FOXP2: variants seen among roughly 807,000 people sequenced by gnomAD.
The protein encoded by FOXP2 is forkhead box protein P2.
FOXP2 carries 12 observed loss-of-function variants against 115.8 expected under a neutral mutation model. The observed-to-expected ratio is 0.10, with a 90% CI of 0.07 to 0.17. The LOEUF (loss-of-function observed/expected upper bound fraction) is 0.17, where lower values mean the gene tolerates loss of function less well. FOXP2 is among the 10% of genes least tolerant of loss of function. The pLI is 1.00. For missense variants in FOXP2, 629 were observed against 843.5 expected, an observed-to-expected ratio of 0.75 and a Z score of 3.15; for synonymous variants, 328 against 297.7, an observed-to-expected ratio of 1.10 and a Z score of -1.05.
chr7:114,431,749 G>A (rs945086721), intron 2 of FOXP2, among the ~76,000 whole-genome samples: 1 of 151,806 alleles, frequency 6.6e-6, no homozygotes, highest in Non-Finnish European at 1.5e-5. Flanking sequence ...TTTTATTTTT[G>A]AGAATGGATT....
rs143600552 is a variant in FOXP2 at position 114,547,975 on chromosome 7, T to C, written c.258+13269T>C. ...ACTCTGTTTAGGATTATAGATTTTA[T>C]CTTTGTCACGAAACATGAACTCCAC... is the stretch of plus-strand genomic sequence containing the variant. On this transcript the variant is annotated intron_variant, in intron 3 of 16. Coordinates refer to ENST00000350908, the MANE Select transcript of FOXP2 (RefSeq NM_014491.4). Among the ~76,000 whole-genome samples the C allele has an allele frequency of 5.3e-3, 807 of 152,300 alleles. 11 individuals are homozygous for C. Among genetic ancestry groups the C allele is most frequent in the African/African-American group, 0.018 (753 of 41,562 alleles).
chr7:114,267,767 A>G (rs1262020236), intron 1 of FOXP2, among the ~76,000 whole-genome samples: 1 of 146,448 alleles, frequency 6.8e-6, no homozygotes, highest in Non-Finnish European at 1.5e-5. Flanking sequence ...AAATAAATAA[A>G]TAAATAAATA....
intron 2 of FOXP2, among the ~76,000 whole-genome samples, chr7:114,464,335 G>A (rs1795714247): frequency 1.3e-5 from 2 of 152,114 alleles, no homozygotes; most frequent in African/African-American, 2.4e-5. Flanking sequence ...GATGACTTAT[G>A]ACCTTTAAAA....
chr7:114,496,178 A>G (rs976466863), intron 2 of FOXP2, among the ~76,000 whole-genome samples: 2 of 152,156 alleles, frequency 1.3e-5, no homozygotes, highest in South Asian at 4.1e-4. Flanking sequence ...ATTAATAGCT[A>G]CTGTTTTGAA....
intron 11 of FOXP2, among the ~76,000 whole-genome samples, chr7:114,659,066 A>G (rs1806738585): frequency 6.6e-6 from 1 of 152,300 alleles, no homozygotes; most frequent in Non-Finnish European, 1.5e-5. Context: ...ATGTAAGAAT[A>G]TGCCTAAACT....
chr7:114,659,396 C>G lies in FOXP2; in HGVS notation c.1509C>G (p.Val503=). Residue 503 remains valine (V), a synonymous_variant, in exon 12 of 17, where the codon GTC becomes GTG. Transcript: ENST00000350908. ...ATGAATTTTATAAAAATGCAGATGT[C>G]AGACCTCCATTTACTTATGCAACTC... is the stretch of plus-strand genomic sequence containing the variant. The part of the protein sequence containing the change: ...PNYEFYKNAD[V]RPPFTYATLI... 6.2e-7 allele frequency: 1 copy of G among 1,613,260 alleles called. No individual in the cohort carries two copies. Among genetic ancestry groups the G allele is most frequent in the East Asian group, 2.2e-5 (1 of 44,850 alleles).
At chr7:114,521,443 A>G (rs1401262019) in intron 2 of FOXP2, among the ~76,000 whole-genome samples, 1 of 149,576 alleles carries the variant, frequency 6.7e-6, no homozygotes, top group Non-Finnish European at 1.5e-5. Flanking sequence ...TGAAGCAGGA[A>G]GCTTGCATGA....
chr7:114,418,386 T>G (rs1030025614), intron 1 of FOXP2, among the ~76,000 whole-genome samples: 1 of 151,960 alleles, frequency 6.6e-6, no homozygotes, highest in Non-Finnish European at 1.5e-5. Flanking sequence ...CATGATGAGC[T>G]ATGTCTCTGT....
intron 4 of FOXP2, 88 bp downstream of exon 4, chr7:114,628,765 C>T (rs889243917): frequency 6.5e-7 from 1 of 1,530,936 alleles, no homozygotes; most frequent in Admixed American, 1.7e-5. Context: ...TTTGACAATT[C>T]AGTCTCCATT....
At chr7:114,367,024 T>C (rs1196758492) in intron 2 of FOXP2, among the ~76,000 whole-genome samples, 1 of 152,158 alleles carries the variant, frequency 6.6e-6, no homozygotes, top group Non-Finnish European at 1.5e-5. Context: ...TCCTTCAATA[T>C]GTAGAGCATG....
rs1194801038 is a variant in FOXP2 at position 114,442,793 on chromosome 7, T to C, written c.168+16114T>C. Among the ~76,000 whole-genome samples, 3 of 152,146 alleles carry C rather than the reference T, an allele frequency of 2.0e-5. No individual in the cohort carries two copies. In the East Asian group the frequency reaches 5.8e-4, roughly 29 times the overall value. ...GGTGAATTTTATGGTATGTAAGTTG[T>C]ACCTCAATACAGCTGTTTATATAAA... On this transcript the variant is annotated intron_variant, in intron 2 of 16. Transcript: ENST00000350908.
chr7:114,113,016 G>A (rs1791311676), intron 1 of FOXP2, among the ~76,000 whole-genome samples: 2 of 152,152 alleles, frequency 1.3e-5, no homozygotes, highest in Admixed American at 6.5e-5. Context: ...TTAGGATGTT[G>A]ACTGATCCTT....
chr7:114,688,208 T>C (rs1478541212), intron 16 of FOXP2, among the ~76,000 whole-genome samples: 8 of 115,350 alleles, frequency 6.9e-5, no homozygotes, highest in South Asian at 3.1e-4. Context: ...CATACATGCA[T>C]ACACACACAC....
intron 1 of FOXP2, among the ~76,000 whole-genome samples, chr7:114,271,852 AATT>A (rs559845239): frequency 8.1e-6 from 1 of 123,538 alleles, no homozygotes; most frequent in Admixed American, 9.3e-5. Context: ...ATTATTAAAT[AATT>A]ATTAAAACAT....
At chr7:114,580,380 C>A (rs955376558) in intron 3 of FOXP2, among the ~76,000 whole-genome samples, 1 of 152,118 alleles carries the variant, frequency 6.6e-6, no homozygotes, top group Non-Finnish European at 1.5e-5. Context: ...GAGTTCGAGA[C>A]CAGCCTGACC....
chr7:114,185,924 C>G (rs972241880), intron 1 of FOXP2, among the ~76,000 whole-genome samples: 8 of 152,180 alleles, frequency 5.3e-5, no homozygotes, highest in Middle Eastern at 6.8e-3. Flanking sequence ...GGGAAATACA[C>G]TATCAATATA....
chr7:114,162,182 A>G (rs1792858759), upstream of FOXP2, among the ~76,000 whole-genome samples: 1 of 152,206 alleles, frequency 6.6e-6, no homozygotes, highest in African/African-American at 2.4e-5. Flanking sequence ...AAATTCTCTT[A>G]AACTTATGAA....
At chr7:114,347,244 A>C (rs1221768089) in intron 2 of FOXP2, among the ~76,000 whole-genome samples, 1 of 151,918 alleles carries the variant, frequency 6.6e-6, no homozygotes, top group Non-Finnish European at 1.5e-5. Flanking sequence ...GGTGTGTTTC[A>C]GGGGCTTCCT....
chr7:114,576,472 C>T (rs886391198), intron 3 of FOXP2, among the ~76,000 whole-genome samples: 7 of 151,754 alleles, frequency 4.6e-5, no homozygotes, highest in Middle Eastern at 6.3e-3. Flanking sequence ...AATGGAGGAT[C>T]GTCTTTGAAA....
Sources: allele counts gnomAD v4.1 joint callset (sites outside exome capture counted in the v4.1 genomes callset), GRCh38; gene constraint gnomAD v4.1.1; transcripts MANE v1.5; gene names NCBI Gene and HGNC (gene_info 2026-07-23, HGNC 2026-07-21).